Variants in CDK17 observed in about 807,000 individuals in gnomAD.
CDK17 encodes cyclin-dependent kinase 17.
A neutral mutation model predicts 77.6 loss-of-function variants in CDK17; 24 were observed. The ratio of observed to expected loss-of-function variants is 0.31; its 90% confidence interval spans 0.22 to 0.44. The LOEUF (loss-of-function observed/expected upper bound fraction) is 0.44. CDK17 is among the 20% of genes least tolerant of loss of function. CDK17 has a pLI of 1.00. For missense variants in CDK17, 429 were observed against 622.5 expected, an observed-to-expected ratio of 0.69 and a Z score of 3.31; for synonymous variants, 203 against 210.4, an observed-to-expected ratio of 0.96 and a Z score of 0.30.
intron 1 of CDK17, among the ~76,000 whole-genome samples, chr12:96,392,914 C>T (rs1405152162): frequency 1.3e-5 from 2 of 152,130 alleles, no homozygotes; most frequent in Non-Finnish European, 2.9e-5. Flanking sequence ...TTATATGTTA[C>T]AATATTGCCA....
chr12:96,341,405 T>C (rs1953121118), intron 1 of CDK17, among the ~76,000 whole-genome samples: 1 of 151,938 alleles, frequency 6.6e-6, no homozygotes, highest in Admixed American at 6.6e-5. Context: ...TCAAAAACAC[T>C]TCTAGCTTTT....
chr12:96,286,018 CCT>C (rs1291628632), intron 13 of CDK17, 23 bp downstream of exon 13: 3 of 1,129,054 alleles, frequency 2.7e-6, no homozygotes, highest in Non-Finnish European at 4.0e-6. Flanking sequence ...TGTTTTCCCC[CCT>C]TTCACATAAG....
At position 96,311,156 on chromosome 12, in the gene CDK17, G is replaced by A; in HGVS notation, c.439C>T (p.Leu147=). The A allele has an allele frequency of 6.4e-7, 1 of 1,554,794 alleles. No individual in the cohort carries two copies. The highest frequency in any genetic ancestry group is 8.6e-7 in the Non-Finnish European group (1 of 1,161,256). ...TCAGGTATTCTGATGTCTGCAGGCA[G>A]TGATAACCGCTTATTTAAATCCTTA... ...SMEDLNKRLS[L]PADIRIPDGY... Residue 147 remains leucine, a synonymous_variant, in exon 5 of 17, where the codon CTG becomes TTG. Transcript: ENST00000261211.
At chr12:96,319,566 C>T (rs1037415044) in intron 3 of CDK17, among the ~76,000 whole-genome samples, 1 of 143,634 alleles carries the variant, frequency 7.0e-6, no homozygotes, top group Non-Finnish European at 1.5e-5. Flanking sequence ...TACTGGCAAA[C>T]GGAATCCAGC....
At chr12:96,391,312 CAG>C (rs1454995027) in intron 1 of CDK17, among the ~76,000 whole-genome samples, 1 of 145,438 alleles carries the variant, frequency 6.9e-6, no homozygotes, top group Non-Finnish European at 1.5e-5. Context: ...TTTTTTGAAA[CAG>C]AGTCTCACTC....
chr12:96,373,437 AC>A (rs1193883870), intron 1 of CDK17, among the ~76,000 whole-genome samples: 3 of 152,072 alleles, frequency 2.0e-5, no homozygotes, highest in Non-Finnish European at 4.4e-5. Context: ...TACTAAAAAT[AC>A]AAAAAATTAG....
intron 2 of CDK17, among the ~76,000 whole-genome samples, chr12:96,324,783 A>T (rs1326507351): frequency 6.6e-6 from 1 of 152,070 alleles, no homozygotes; most frequent in Non-Finnish European, 1.5e-5. Context: ...AAAAAAAAAA[A>T]GAAATTAAGC....
At chr12:96,344,897 A>G (rs1302119691) in intron 1 of CDK17, among the ~76,000 whole-genome samples, 1 of 152,178 alleles carries the variant, frequency 6.6e-6, no homozygotes, top group Non-Finnish European at 1.5e-5. Flanking sequence ...AACATGTGCC[A>G]TGGTGGTGTG....
At chr12:96,376,711 C>CT (rs2137218583) in intron 1 of CDK17, among the ~76,000 whole-genome samples, 1 of 152,324 alleles carries the variant, frequency 6.6e-6, no homozygotes, top group East Asian at 1.9e-4. Flanking sequence ...AAACAGCAAA[C>CT]TGGCCTACTA....
chr12:96,391,130 A>G (rs1954061088), intron 1 of CDK17, among the ~76,000 whole-genome samples: 1 of 152,040 alleles, frequency 6.6e-6, no homozygotes, highest in Non-Finnish European at 1.5e-5. Context: ...CTGTATACAT[A>G]AACTACCACA....
chr12:96,280,241 C>T lies in CDK17; in HGVS notation c.*1G>A, dbSNP rs1565800271. 1.3e-6 allele frequency: 2 copies of T among 1,550,912 alleles called. No individual in the cohort carries two copies. The highest frequency in any genetic ancestry group is 2.4e-5 in the East Asian group (1 of 40,868). Reference sequence around the variant, plus strand: ...CTGGGCTTGAAACCATGTTATCAGACTTAAAAGAGCATGCTCTGTCTTCTG... The same window carrying T: ...CTGGGCTTGAAACCATGTTATCAGATTTAAAAGAGCATGCTCTGTCTTCTG... On this transcript the variant is annotated 3_prime_UTR_variant, in exon 17 of 17. Coordinates refer to ENST00000261211, the MANE Select transcript of CDK17 (RefSeq NM_002595.5).
At chr12:96,328,864 G>A (rs190466461) in intron 2 of CDK17, among the ~76,000 whole-genome samples, 1 of 152,050 alleles carries the variant, frequency 6.6e-6, no homozygotes, top group Admixed American at 6.6e-5. Context: ...CAAGGAGAGG[G>A]TATAGACAGA....
intron 16 of CDK17, 133 bp from the exon 17 acceptor site, chr12:96,280,412 C>G: frequency 1.4e-6 from 2 of 1,452,532 alleles, no homozygotes; most frequent in Non-Finnish European, 1.8e-6. Context: ...TCAGCACTGT[C>G]TTAAATGACC....
intron 3 of CDK17, among the ~76,000 whole-genome samples, chr12:96,320,513 C>G (rs1245754504): frequency 1.4e-5 from 2 of 147,194 alleles, no homozygotes; most frequent in Non-Finnish European, 3.0e-5. Context: ...AATCCTAAGC[C>G]AAAAGAACAA....
chr12:96,313,698 G>C (rs550870240), intron 3 of CDK17, among the ~76,000 whole-genome samples: 1 of 152,170 alleles, frequency 6.6e-6, no homozygotes, highest in East Asian at 1.9e-4. Context: ...ATTATCAAGG[G>C]TTGAGTAATA....
intron 3 of CDK17, among the ~76,000 whole-genome samples, chr12:96,320,653 G>A (rs1197986690): frequency 4.6e-5 from 7 of 151,652 alleles, no homozygotes; most frequent in African/African-American, 7.3e-5. Context: ...AAATAACACC[G>A]CATACCTACA....
At chr12:96,393,778 T>C (rs1052889879) in intron 1 of CDK17, among the ~76,000 whole-genome samples, 1 of 152,046 alleles carries the variant, frequency 6.6e-6, no homozygotes, top group African/African-American at 2.4e-5. Flanking sequence ...AAAAGCTTCT[T>C]TTTCCACCAG....
Position 96,311,165 on chromosome 12 carries a change from G to A in CDK17, c.430C>T (p.Arg144Trp), listed in dbSNP as rs1340925840. The A allele has an allele frequency of 2.6e-6, 4 of 1,535,514 alleles. No homozygotes were observed. Among genetic ancestry groups the A allele is most frequent in the South Asian group, 2.5e-5 (2 of 78,526 alleles). ...RRISMEDLNKRLSLPADIRIP... is the reference protein window; with the variant it reads ...RRISMEDLNKWLSLPADIRIP... ...CTGATGTCTGCAGGCAGTGATAACC[G>A]CTTATTTAAATCCTTAAAAAAAAAA... is the stretch of plus-strand genomic sequence containing the variant. Residue 144 changes from arginine (R) to tryptophan (W), a missense_variant, in exon 5 of 17, where the codon CGG becomes TGG. By Grantham distance (101) the Arg-to-Trp change is moderately radical (BLOSUM62 -3). This residue lies in a region of CDK17 where 262 missense variants were observed against 385.4 expected (regional missense o/e 0.68). Transcript: ENST00000261211.
chr12:96,307,537 A>G (rs1200137719), intron 5 of CDK17, among the ~76,000 whole-genome samples: 1 of 152,204 alleles, frequency 6.6e-6, no homozygotes, highest in East Asian at 1.9e-4. Context: ...TAGCCGAAGA[A>G]AACTTTTGAC....
Sources: allele counts gnomAD v4.1 joint callset (sites outside exome capture counted in the v4.1 genomes callset), GRCh38; gene constraint gnomAD v4.1.1; regional missense constraint gnomAD v4.1.1; transcripts MANE v1.5; gene names NCBI Gene and HGNC (gene_info 2026-07-23, HGNC 2026-07-21).